UBR1: variants seen among roughly 807,000 people sequenced by gnomAD.
UBR1 encodes the protein E3 ubiquitin-protein ligase UBR1.
UBR1 carries 102 observed loss-of-function variants against 242.1 expected under a neutral mutation model. The ratio of observed to expected loss-of-function variants is 0.42; its 90% CI spans 0.36 to 0.50. The LOEUF is 0.50. Among genes scored for constraint, UBR1 ranks in the 20% least tolerant of loss-of-function variants. The pLI is 0.01. For synonymous variants in UBR1, 675 were observed against 684.8 expected, an observed-to-expected ratio of 0.99 and a Z score of 0.22; for missense variants, 1,772 against 2,101.8, an observed-to-expected ratio of 0.84 and a Z score of 3.07.
chr15:43,077,717 T>C (rs993088452), intron 3 of UBR1, among the ~76,000 whole-genome samples: 2 of 151,046 alleles, frequency 1.3e-5, no homozygotes, highest in African/African-American at 4.9e-5. Flanking sequence ...GATGATTACA[T>C]AGTACTTAAG....
In UBR1 at chr15:42,942,953, C is replaced by T. The variant is rs942067982; in HGVS notation, c.*2376G>A. 1.3e-5 allele frequency: 2 copies of T among 152,498 alleles called. No individual in the cohort carries two copies. The highest frequency in any genetic ancestry group is 1.3e-4 in the Admixed American group (2 of 15,266). 9.4% of individuals were successfully genotyped at this position (152,498 alleles called of 1,614,324 possible). A position where few individuals can be genotyped will look rare whatever the true frequency, so the allele number is the denominator to read the frequency against. ...TTTTAAAAAGCACAAGAACATTATA[C>T]AAGTTTTAAATTTACATTTTTGCAA... On this transcript the variant is annotated 3_prime_UTR_variant, in exon 47 of 47. Coordinates refer to ENST00000290650, the MANE Select transcript of UBR1 (RefSeq NM_174916.3).
chr15:42,974,170 G>C (rs919991633), intron 39 of UBR1, among the ~76,000 whole-genome samples: 1 of 152,194 alleles, frequency 6.6e-6, no homozygotes, highest in Non-Finnish European at 1.5e-5. Flanking sequence ...TTACAGGCGT[G>C]AGCCACCGTG....
At chr15:43,068,089 T>TAAAAAAAAAAAAAAAAAAAGAAAAAA in intron 5 of UBR1, 53 bp from the exon 6 acceptor site, 1 of 787,320 alleles carries the variant, frequency 1.3e-6, no homozygotes, top group Non-Finnish European at 1.7e-6. Context: ...AAAGGAAAAG[T>TAAAAAAAAAAAAAAAAAAAGAAAAAA]AAAAAAAAAA....
intron 33 of UBR1, among the ~76,000 whole-genome samples, chr15:42,995,665 C>T (rs2032627071): frequency 6.6e-6 from 1 of 151,920 alleles, no homozygotes; most frequent in Admixed American, 6.6e-5. Flanking sequence ...GAGACTCCAT[C>T]TCAAAACAAA....
At chr15:43,025,244 T>C in intron 24 of UBR1, 137 bp downstream of exon 24, 1 of 903,644 alleles carries the variant, frequency 1.1e-6, no homozygotes, top group South Asian at 1.5e-5. Context: ...AATATGTGAA[T>C]AAGAAGCAAA....
At chr15:42,950,538 C>A (rs2031817548) in intron 45 of UBR1, 175 bp from the exon 46 acceptor site, 2 of 622,562 alleles carry the variant, frequency 3.2e-6, no homozygotes, top group Non-Finnish European at 5.7e-6. Flanking sequence ...AAAGAGAACA[C>A]TTATTGCTAT....
chr15:42,951,793 T>C (rs923395688), intron 45 of UBR1, among the ~76,000 whole-genome samples: 3 of 151,852 alleles, frequency 2.0e-5, no homozygotes, highest in African/African-American at 7.3e-5. Flanking sequence ...TAATTTTTTA[T>C]AGAGATGGGG....
At chr15:43,060,243 A>G (rs2033666880) in intron 6 of UBR1, 129 bp from the exon 7 acceptor site, 2 of 872,156 alleles carry the variant, frequency 2.3e-6, no homozygotes, top group African/African-American at 1.6e-5. Flanking sequence ...GTTGTAAGAT[A>G]CCGGAACAAT....
intron 27 of UBR1, 150 bp downstream of exon 27, chr15:43,021,125 T>C (rs1055844746): frequency 2.1e-5 from 13 of 616,802 alleles, no homozygotes; most frequent in Non-Finnish European, 2.5e-5. Context: ...CAATAAAATA[T>C]AGGAAAATAG....
At chr15:43,085,940 G>T in intron 2 of UBR1, 44 bp downstream of exon 2, 3 of 1,492,462 alleles carry the variant, frequency 2.0e-6, no homozygotes, top group South Asian at 1.2e-5. Context: ...AAAAAAAAAG[G>T]ATTTTAATAA....
intron 6 of UBR1, among the ~76,000 whole-genome samples, chr15:43,061,878 G>A (rs902504512): frequency 6.6e-6 from 1 of 151,964 alleles, no homozygotes; most frequent in Non-Finnish European, 1.5e-5. Context: ...GCGGTGATGG[G>A]TGCATCAAAA....
At chr15:42,991,677 C>A (rs1338616798) in intron 33 of UBR1, among the ~76,000 whole-genome samples, 1 of 151,926 alleles carries the variant, frequency 6.6e-6, no homozygotes, top group Non-Finnish European at 1.5e-5. Context: ...GTCTGTTCTC[C>A]AGACTGAATA....
chr15:42,985,029 A>G, intron 35 of UBR1, 87 bp from the exon 36 acceptor site: 1 of 1,045,862 alleles, frequency 9.6e-7, no homozygotes, highest in Non-Finnish European at 1.4e-6. Flanking sequence ...TTCTTTAATA[A>G]TATTTTTGAT....
chr15:43,005,111 C>CT (rs1353300236), intron 30 of UBR1, among the ~76,000 whole-genome samples: 4 of 151,832 alleles, frequency 2.6e-5, no homozygotes, highest in Non-Finnish European at 4.4e-5. Context: ...CCAGCCGCCC[C>CT]GTCTGAGAAG....
At chr15:42,966,024 G>T in intron 41 of UBR1, 129 bp downstream of exon 41, 2 of 1,358,808 alleles carry the variant, frequency 1.5e-6, no homozygotes, top group South Asian at 1.3e-5. Flanking sequence ...TGTTTGAAGG[G>T]AACACACATG....
intron 39 of UBR1, among the ~76,000 whole-genome samples, chr15:42,975,230 G>A (rs144635192): frequency 2.0e-5 from 3 of 152,290 alleles, no homozygotes; most frequent in Admixed American, 1.3e-4. Flanking sequence ...AAGCAAAAAT[G>A]TATATAAACA....
chr15:43,068,775 C>G (rs1248107783), intron 5 of UBR1, among the ~76,000 whole-genome samples: 1 of 152,118 alleles, frequency 6.6e-6, no homozygotes, highest in African/African-American at 2.4e-5. Flanking sequence ...TGCCCACCAC[C>G]ACACTTGGCT....
At position 42,944,523 on chromosome 15, in the gene UBR1, G is replaced by C. The variant is rs1472602691; in HGVS notation, c.*806C>G. On this transcript the variant is annotated 3_prime_UTR_variant, in exon 47 of 47. Coordinates refer to ENST00000290650, the MANE Select transcript of UBR1 (RefSeq NM_174916.3). ...CAGTTTTTACATCAGAATTACAAGA[G>C]GTTTCTGAGAGTCAAACAGGATGGT... 1 of 152,178 alleles carries C rather than the reference G, an allele frequency of 6.6e-6. No homozygotes were observed. The highest frequency in any genetic ancestry group is 1.5e-5 in the Non-Finnish European group (1 of 68,036). 9.4% of individuals were successfully genotyped at this position (152,178 alleles called of 1,614,324 possible).
intron 15 of UBR1, among the ~76,000 whole-genome samples, chr15:43,042,396 G>A (rs1242973513): frequency 6.6e-6 from 1 of 152,052 alleles, no homozygotes; most frequent in East Asian, 1.9e-4. Flanking sequence ...TAAACCTGAG[G>A]ACATTATGCT....
Sources: allele counts gnomAD v4.1 joint callset (sites outside exome capture counted in the v4.1 genomes callset), GRCh38; gene constraint gnomAD v4.1.1; transcripts MANE v1.5; gene names NCBI Gene and HGNC (gene_info 2026-07-23, HGNC 2026-07-21).